The following CAPN14 variants were observed in gnomAD, a reference collection of about 807,000 sequenced individuals.
CAPN14 encodes calpain 14, also known as calpain-14.
Under a neutral mutation model 101.3 loss-of-function variants are expected in CAPN14, and 94 were observed. The ratio of observed to expected loss-of-function variants is 0.93; its 90% CI spans 0.79 to 1.10. The LOEUF is 1.10. CAPN14 is among the 50% of genes least tolerant of loss of function. CAPN14 has a pLI of 0.00. For synonymous variants in CAPN14, 338 were observed against 317.9 expected (o/e 1.06, Z -0.67); for missense variants, 837 against 828.4 (o/e 1.01, Z -0.13).
chr2:31,207,283 G>A (rs537317099), intron 1 of CAPN14, among the ~76,000 whole-genome samples: 7 of 152,172 alleles, frequency 4.6e-5, no homozygotes, highest in East Asian at 3.9e-4. Context: ...CCTGGCATTC[G>A]CTGAGATCCC....
intron 2 of CAPN14, among the ~76,000 whole-genome samples, chr2:31,224,740 A>G (rs1682970073): frequency 1.3e-5 from 2 of 151,960 alleles, no homozygotes; most frequent in African/African-American, 4.8e-5. Flanking sequence ...AACAATAACC[A>G]GTTAGAAGGT....
At chr2:31,189,099 G>C (rs1681049948) in intron 13 of CAPN14, among the ~76,000 whole-genome samples, 174 bp downstream of exon 13, 1 of 152,142 alleles carries the variant, frequency 6.6e-6, no homozygotes. Flanking sequence ...AAGGAGGGTG[G>C]GAAGGAACGG....
Position 31,201,951 on chromosome 2 carries a change from C to CA in CAPN14, c.461dup (p.Pro155AlafsTer4), listed in dbSNP as rs569207325. ...CCAGCTGGCCAGCCTCATTCACAGG[C>CA]AGACGGTCATCGATCACCACAGGAA... is the stretch of plus-strand genomic sequence containing the variant. On this transcript the variant is annotated frameshift_variant, in exon 5 of 22. Coordinates refer to ENST00000403897, the MANE Select transcript of CAPN14 (RefSeq NM_001145122.2). LOFTEE classifies it high-confidence loss of function. 184 of 1,551,752 alleles carry CA rather than the reference C, an allele frequency of 1.2e-4. 1 individual carries two copies. The African/African-American group carries it at 2.1e-3, about 18-fold the overall frequency.
rs151264703 is a variant in CAPN14 at position 31,178,596 on chromosome 2, G to A, written c.1711-17C>T. The A allele has an allele frequency of 2.0e-5, 30 of 1,493,594 alleles. No homozygotes were observed. In the African/African-American group the frequency reaches 3.7e-4, roughly 18 times the overall value. The allele number at this position is 1,493,594 out of a possible 1,614,324, so 92.5% of individuals were successfully genotyped here. On this transcript the variant is annotated splice_polypyrimidine_tract_variant and intron_variant, in intron 17 of 21. Transcript: ENST00000403897. ...TGCATTAAGCTGATTAATAGGTTAA[G>A]GTAAAAGCTTCCAGGGAGAGTTCTA...
intron 20 of CAPN14, 107 bp from the exon 21 acceptor site, chr2:31,176,749 G>T: frequency 9.4e-7 from 1 of 1,061,682 alleles, no homozygotes. Flanking sequence ...CTGAAAACGT[G>T]AGGGAACCCA....
rs1031251212 is a variant in CAPN14 at position 31,176,600 on chromosome 2, A to G, written c.2015T>C (p.Leu672Pro). The G allele has an allele frequency of 6.2e-5, 96 of 1,551,520 alleles. No homozygotes were observed. In the Admixed American group the frequency reaches 1.8e-3, roughly 29 times the overall value. ...NLTQDGKGIYLQKPEWMMMAL... is the reference protein window; with the variant it reads ...NLTQDGKGIYPQKPEWMMMAL... The stretch of plus-strand genomic sequence containing the variant: ...GGCAAGTCTTACCTCTGGCTTCTGG[A>G]GGTATATCCCTTTGCCATCTTGGGT... Residue 672 changes from leucine (L) to proline (P), a missense_variant, in exon 21 of 22, where the codon CTC becomes CCC. Physicochemically the swap from Leu to Pro is moderately conservative, Grantham distance 98. Transcript: ENST00000403897.
At chr2:31,188,382 CAG>C (rs1299044054) in intron 13 of CAPN14, 28 bp from the exon 14 acceptor site, 2 of 1,550,726 alleles carry the variant, frequency 1.3e-6, no homozygotes, top group South Asian at 1.2e-5. Context: ...AGAACAAACT[CAG>C]AGTTTCCTCT....
upstream of CAPN14, among the ~76,000 whole-genome samples, chr2:31,218,790 C>G (rs1682764217): frequency 6.6e-6 from 1 of 152,186 alleles, no homozygotes; most frequent in African/African-American, 2.4e-5. Flanking sequence ...TTCTCCTCAT[C>G]TTTGTCAAGG....
chr2:31,205,851 C>T (rs1682046249), intron 1 of CAPN14, among the ~76,000 whole-genome samples: 1 of 151,874 alleles, frequency 6.6e-6, no homozygotes, highest in Non-Finnish European at 1.5e-5. Context: ...AGCTCAGTCC[C>T]CTGGGCCGGA....
chr2:31,178,819 A>C (rs942174680), intron 17 of CAPN14, among the ~76,000 whole-genome samples: 3 of 152,024 alleles, frequency 2.0e-5, no homozygotes, highest in African/African-American at 7.2e-5. Flanking sequence ...AGCGATGATG[A>C]TGGAGGTGAT....
intron 17 of CAPN14, among the ~76,000 whole-genome samples, chr2:31,179,591 T>C (rs946200819): frequency 6.6e-6 from 1 of 152,202 alleles, no homozygotes; most frequent in Non-Finnish European, 1.5e-5. Context: ...TACCCAGTAA[T>C]GGGATGACTG....
At chr2:31,198,450 A>T (rs1373525280) in intron 7 of CAPN14, among the ~76,000 whole-genome samples, 1 of 152,178 alleles carries the variant, frequency 6.6e-6, no homozygotes, top group African/African-American at 2.4e-5. Flanking sequence ...TTCTAAATTA[A>T]CTGAGACCTG....
chr2:31,210,341 G>C (rs1440035442), intron 1 of CAPN14, among the ~76,000 whole-genome samples: 1 of 152,192 alleles, frequency 6.6e-6, no homozygotes, highest in East Asian at 1.9e-4. Context: ...CCAGCTACTC[G>C]GGAGGCTGAG....
Position 31,181,049 on chromosome 2 carries a change from C to T in CAPN14, c.1646-49G>A, listed in dbSNP as rs377551095. ...CATGGGGGCTGGCCCCAGGTCTGCA[C>T]ACCCCTTTTCTGAGCAGGAAGAGGC... On this transcript the variant is annotated intron_variant, in intron 16 of 21. Transcript: ENST00000403897. 55 of 1,465,246 alleles carry T rather than the reference C, an allele frequency of 3.8e-5. No homozygotes were observed. In the African/African-American group the frequency reaches 7.3e-4, roughly 19 times the overall value. 90.8% of individuals were successfully genotyped at this position (1,465,246 alleles called of 1,614,324 possible). A position where few individuals can be genotyped will look rare whatever the true frequency, so the allele number is the denominator to read the frequency against.
intron 1 of CAPN14, chr2:31,233,684 G>A (rs1404777514): frequency 6.6e-6 from 1 of 151,896 alleles, no homozygotes. Flanking sequence ...TTCACCCTAA[G>A]CCTAGCTAAA....
At chr2:31,181,783 T>A (rs1253201126) in intron 16 of CAPN14, among the ~76,000 whole-genome samples, 1 of 148,228 alleles carries the variant, frequency 6.7e-6, no homozygotes, top group Non-Finnish European at 1.5e-5. Flanking sequence ...TTTGGTTTTT[T>A]GTCCTTGCGA....
chr2:31,198,606 T>C (rs1419026363), intron 7 of CAPN14, among the ~76,000 whole-genome samples: 1 of 152,164 alleles, frequency 6.6e-6, no homozygotes, highest in Non-Finnish European at 1.5e-5. Flanking sequence ...AATTAAAAGC[T>C]CTGGGCACAC....
chr2:31,214,458 G>A (rs1005285720), intron 1 of CAPN14, among the ~76,000 whole-genome samples: 11 of 152,124 alleles, frequency 7.2e-5, no homozygotes, highest in East Asian at 1.9e-4. Context: ...TGGGATCCAC[G>A]TCAAAGCAAC....
chr2:31,192,540 C>T (rs1225918027), intron 10 of CAPN14, among the ~76,000 whole-genome samples: 1 of 152,164 alleles, frequency 6.6e-6, no homozygotes, highest in Non-Finnish European at 1.5e-5. Context: ...GCCATCCTGG[C>T]CTGCTGAGGT....
Sources: gnomAD v4.1 joint callset for allele counts (sites outside exome capture counted in the v4.1 genomes callset) on GRCh38, gnomAD v4.1.1 for gene constraint, MANE v1.5 for transcripts, NCBI Gene and HGNC (gene_info 2026-07-23, HGNC 2026-07-21) for gene names.